The following SUMF1 variants were observed in gnomAD, a reference collection of about 807,000 sequenced individuals.
The protein encoded by SUMF1 is formylglycine-generating enzyme.
A neutral mutation model predicts 47.6 loss-of-function variants in SUMF1; 48 were observed. The ratio of observed to expected loss-of-function variants is 1.01; its 90% CI spans 0.80 to 1.28. SUMF1 has a LOEUF of 1.28. Ranked by LOEUF, SUMF1 falls within the 50% of genes most tolerant of loss-of-function variation. SUMF1 has a pLI of 0.00. For missense variants in SUMF1, 571 were observed against 485.4 expected (o/e 1.18, Z -1.66); for synonymous variants, 230 against 192.1 (o/e 1.20, Z -1.63).
At chr3:4,442,620 G>C (rs1702638960) in intron 3 of SUMF1, among the ~76,000 whole-genome samples, 1 of 83,996 alleles carries the variant, frequency 1.2e-5, no homozygotes, top group African/African-American at 4.5e-5. Context: ...CTGAAATAGA[G>C]GGACAAGAGA....
At chr3:4,289,114 C>T (rs1026036683) in intron 8 of SUMF1, among the ~76,000 whole-genome samples, 2 of 152,148 alleles carry the variant, frequency 1.3e-5, no homozygotes, top group Admixed American at 6.5e-5. Flanking sequence ...CCCAGCCAAA[C>T]CAGAACTGAA....
intron 9 of SUMF1, among the ~76,000 whole-genome samples, chr3:4,040,731 G>A (rs1022963381): frequency 6.6e-6 from 1 of 152,174 alleles, no homozygotes; most frequent in Non-Finnish European, 1.5e-5. Context: ...GCTTAATACA[G>A]TTCAACAGTG....
intron 8 of SUMF1, among the ~76,000 whole-genome samples, chr3:4,340,105 G>GTGCACA (rs1699239357): frequency 1.3e-5 from 2 of 150,568 alleles, no homozygotes; most frequent in East Asian, 3.9e-4. Flanking sequence ...GCACCAATGT[G>GTGCACA]CACACACACA....
chr3:4,384,860 G>GA (rs1700621113), intron 7 of SUMF1, among the ~76,000 whole-genome samples: 1 of 151,782 alleles, frequency 6.6e-6, no homozygotes. Flanking sequence ...TATAGTGGTC[G>GA]AATGTTTACT....
At chr3:4,201,395 G>C (rs949862439) in intron 8 of SUMF1, among the ~76,000 whole-genome samples, 4 of 152,008 alleles carry the variant, frequency 2.6e-5, no homozygotes, top group Non-Finnish European at 5.9e-5. Flanking sequence ...AATATGTGAA[G>C]TTGGTTTTTC....
chr3:4,303,053 G>C (rs1303624905), intron 8 of SUMF1, among the ~76,000 whole-genome samples: 1 of 152,166 alleles, frequency 6.6e-6, no homozygotes, highest in Non-Finnish European at 1.5e-5. Context: ...CCACAAACGT[G>C]CAGTGAGCCC....
At chr3:4,246,777 T>C (rs531303578) in intron 8 of SUMF1, among the ~76,000 whole-genome samples, 2 of 152,294 alleles carry the variant, frequency 1.3e-5, no homozygotes, top group South Asian at 2.1e-4. Flanking sequence ...TTAGCAGCTC[T>C]AACCAAGTTC....
chr3:4,096,436 T>G (rs1559466891), intron 8 of SUMF1, among the ~76,000 whole-genome samples: 1 of 152,120 alleles, frequency 6.6e-6, no homozygotes, highest in Non-Finnish European at 1.5e-5. Flanking sequence ...AGGGTTACCT[T>G]CACCCAGCCA....
intron 1 of SUMF1, among the ~76,000 whole-genome samples, chr3:4,464,056 T>A (rs1028297229): frequency 1.3e-5 from 2 of 152,168 alleles, no homozygotes; most frequent in African/African-American, 4.8e-5. Context: ...ATTGTATGAA[T>A]ACACAAAAAC....
intron 2 of SUMF1, among the ~76,000 whole-genome samples, chr3:4,451,279 A>C (rs913439075): frequency 3.2e-4 from 48 of 152,286 alleles, no homozygotes; most frequent in African/African-American, 1.0e-3. Flanking sequence ...TCTCTGCAAC[A>C]ACAAAAATAT....
intron 7 of SUMF1, among the ~76,000 whole-genome samples, chr3:4,382,728 T>C (rs188915505): frequency 2.7e-4 from 41 of 152,192 alleles, no homozygotes; most frequent in Non-Finnish European, 5.0e-4. Context: ...CACCATGGGA[T>C]ACTACGTAGC....
chr3:4,459,236 G>A (rs919287958), intron 1 of SUMF1, among the ~76,000 whole-genome samples: 10 of 152,104 alleles, frequency 6.6e-5, no homozygotes, highest in Non-Finnish European at 1.2e-4. Context: ...TGATGGATTT[G>A]TTAATTAGCT....
At chr3:4,104,528 G>GA (rs1171923113) in intron 8 of SUMF1, among the ~76,000 whole-genome samples, 1 of 152,030 alleles carries the variant, frequency 6.6e-6, no homozygotes, top group Non-Finnish European at 1.5e-5. Context: ...TTATCCAGCA[G>GA]AATGCACCCA....
chr3:4,179,417 C>G (rs183079083), intron 8 of SUMF1, among the ~76,000 whole-genome samples: 3 of 152,014 alleles, frequency 2.0e-5, no homozygotes, highest in South Asian at 2.1e-4. Context: ...ATAAACCTGA[C>G]AAAAATAAGC....
At chr3:4,425,417 TTA>T (rs1702037056) in intron 3 of SUMF1, among the ~76,000 whole-genome samples, 1 of 152,234 alleles carries the variant, frequency 6.6e-6, no homozygotes, top group Admixed American at 6.5e-5. Flanking sequence ...ATTTATGTTA[TTA>T]CATGTTACAA....
chr3:4,120,202 A>G (rs1693507758), intron 8 of SUMF1, among the ~76,000 whole-genome samples: 1 of 152,122 alleles, frequency 6.6e-6, no homozygotes, highest in East Asian at 1.9e-4. Flanking sequence ...TTTACCACTG[A>G]ACTGTGAGCT....
intron 8 of SUMF1, among the ~76,000 whole-genome samples, chr3:4,362,973 G>A (rs1699816723): frequency 6.6e-6 from 1 of 152,112 alleles, no homozygotes; most frequent in African/African-American, 2.4e-5. Context: ...TGTATATGTG[G>A]TATGACCACA....
intron 6 of SUMF1, among the ~76,000 whole-genome samples, chr3:4,414,407 CA>C (rs554938660): frequency 3.6e-4 from 55 of 152,336 alleles, no homozygotes; most frequent in African/African-American, 1.3e-3. Flanking sequence ...TAGTCCATCT[CA>C]TTATCAAAGT....
At position 4,389,333 on chromosome 3, in the gene SUMF1, T is replaced by G. The variant is rs78219919; in HGVS notation, c.955-12944A>C. ...GGGAAATCCATTGTCATTCAAATTGTTTTTTTTTTTTTTCCCTATAGGTAA... is the reference window on the plus strand; with the variant it reads ...GGGAAATCCATTGTCATTCAAATTGGTTTTTTTTTTTTTCCCTATAGGTAA... On this transcript the variant is annotated intron_variant, in intron 7 of 8. Transcript: ENST00000272902. Among the ~76,000 whole-genome samples, 317 of 89,128 alleles carry G rather than the reference T, an allele frequency of 3.6e-3. 1 individual carries two copies. Among genetic ancestry groups the G allele is most frequent in the African/African-American group, 0.023 (243 of 10,660 alleles). 58.5% of individuals were successfully genotyped at this position (89,128 alleles called of 152,430 possible).
Sources: allele counts gnomAD v4.1 joint callset (sites outside exome capture counted in the v4.1 genomes callset), GRCh38; gene constraint gnomAD v4.1.1; transcripts MANE v1.5; gene names NCBI Gene and HGNC (gene_info 2026-07-23, HGNC 2026-07-21).